Variants in PIAS1 observed in about 807,000 individuals in gnomAD.
PIAS1 encodes the protein E3 SUMO-protein ligase PIAS1.
In PIAS1, 6 loss-of-function variants were observed where a neutral mutation model predicts 71.3. The observed-to-expected ratio is 0.08, with a 90% CI of 0.05 to 0.17. The LOEUF (loss-of-function observed/expected upper bound fraction) is 0.17, where lower values mean the gene tolerates loss of function less well. Among genes scored for constraint, PIAS1 ranks in the 10% least tolerant of loss-of-function variants. The pLI is 1.00. For missense variants in PIAS1, 555 were observed against 793.6 expected (o/e 0.70, Z 3.61); for synonymous variants, 303 against 292.9 (o/e 1.03, Z -0.35).
At chr15:68,117,625 A>AT (rs1811573420) in intron 2 of PIAS1, among the ~76,000 whole-genome samples, 1 of 152,202 alleles carries the variant, frequency 6.6e-6, no homozygotes, top group Admixed American at 6.5e-5. Context: ...TTGTCTTACT[A>AT]TGCATGGCCT....
intron 11 of PIAS1, among the ~76,000 whole-genome samples, chr15:68,177,455 G>A (rs907352350): frequency 3.3e-5 from 5 of 152,118 alleles, no homozygotes; most frequent in African/African-American, 1.2e-4. Flanking sequence ...ATTTAAATCT[G>A]CTTCAGAATG....
intron 2 of PIAS1, among the ~76,000 whole-genome samples, chr15:68,088,137 ATC>A (rs1438775204): frequency 5.8e-5 from 7 of 120,762 alleles, no homozygotes; most frequent in Non-Finnish European, 1.2e-4. Flanking sequence ...TTAATAATAT[ATC>A]ATATGCATCT....
chr15:68,062,648 T>A (rs931967909), intron 1 of PIAS1, among the ~76,000 whole-genome samples: 1 of 152,250 alleles, frequency 6.6e-6, no homozygotes, highest in Admixed American at 6.5e-5. Flanking sequence ...GTGTCTGGTC[T>A]TGTATTCATT....
intron 2 of PIAS1, among the ~76,000 whole-genome samples, chr15:68,124,393 G>T (rs1239821645): frequency 2.1e-5 from 3 of 141,650 alleles, no homozygotes; most frequent in African/African-American, 5.1e-5. Context: ...GGTTTTTTTT[G>T]TTGTTGTTTT....
chr15:68,134,595 C>A (rs1465407703), intron 2 of PIAS1, among the ~76,000 whole-genome samples: 1 of 30,394 alleles, frequency 3.3e-5, no homozygotes, highest in African/African-American at 6.1e-5. Context: ...ACCCCCCAGA[C>A]GGGGCGGCTG....
chr15:68,096,030 A>G (rs2092372876), intron 2 of PIAS1, among the ~76,000 whole-genome samples: 1 of 152,232 alleles, frequency 6.6e-6, no homozygotes, highest in African/African-American at 2.4e-5. Context: ...TAATTAAATC[A>G]CTTTAAGATA....
intron 1 of PIAS1, among the ~76,000 whole-genome samples, chr15:68,067,606 A>G (rs1038657652): frequency 6.6e-6 from 1 of 152,096 alleles, no homozygotes; most frequent in African/African-American, 2.4e-5. Context: ...AACTATATTA[A>G]TATATAATAA....
intron 5 of PIAS1, 35 bp from the exon 6 acceptor site, chr15:68,146,531 A>G: frequency 6.5e-7 from 1 of 1,549,690 alleles, no homozygotes; most frequent in South Asian, 1.1e-5. Context: ...GATTGTGGAA[A>G]TAATAAGTAT....
intron 2 of PIAS1, among the ~76,000 whole-genome samples, chr15:68,123,409 T>C (rs1364041386): frequency 6.6e-6 from 1 of 152,188 alleles, no homozygotes; most frequent in African/African-American, 2.4e-5. Flanking sequence ...CACAAAGTTA[T>C]GAGTTTACTG....
At chr15:68,168,071 T>A (rs2092968031) in intron 8 of PIAS1, among the ~76,000 whole-genome samples, 1 of 151,632 alleles carries the variant, frequency 6.6e-6, no homozygotes. Flanking sequence ...TGCAGTGGTG[T>A]GATCTCAGCT....
At chr15:68,055,192 C>A in intron 1 of PIAS1, 1 of 985,264 alleles carries the variant, frequency 1.0e-6, no homozygotes, top group Non-Finnish European at 1.2e-6. Context: ...CTTTGGGGGT[C>A]TCTGCACACA....
intron 1 of PIAS1, among the ~76,000 whole-genome samples, chr15:68,064,739 T>C (rs1275280306): frequency 6.6e-6 from 1 of 152,196 alleles, no homozygotes; most frequent in African/African-American, 2.4e-5. Context: ...ATATTCTTCA[T>C]CCAAAACAAT....
intron 13 of PIAS1, chr15:68,184,757 C>G (rs2093076713): frequency 6.5e-6 from 1 of 153,056 alleles, no homozygotes; most frequent in Non-Finnish European, 1.5e-5. Flanking sequence ...AAAGGACTTT[C>G]ATCCATAAAG....
chr15:68,054,552 T>G lies in PIAS1; in HGVS notation c.24+202T>G. 2.1e-6 allele frequency: 1 copy of G among 474,644 alleles called. No individual in the cohort carries two copies. The highest frequency in any genetic ancestry group is 3.7e-6 in the Non-Finnish European group (1 of 269,654). 29.4% of individuals were successfully genotyped at this position (474,644 alleles called of 1,614,324 possible). ...CGGGCCCCGGGTGCCTCGGGGGCGC[T>G]GACGGGTCGTCCCCGGCGTGTTATT... is the stretch of plus-strand genomic sequence containing the variant. On this transcript the variant is annotated intron_variant, in intron 1 of 13. Transcript: ENST00000249636. The surrounding 1 kb of genome is among the most constrained non-coding windows in gnomAD (Gnocchi z 4.6).
rs183670194 is a variant in PIAS1 at position 68,066,004 on chromosome 15, C to T, written c.24+11654C>T. 3.6e-3 allele frequency among the ~76,000 whole-genome samples: 525 copies of T among 147,214 alleles called. 2 individuals carry two copies. The highest frequency in any genetic ancestry group is 0.013 in the African/African-American group (504 of 39,402). ...TCAGACTCATGTGATCCTCATGCCT[C>T]AGCCTCCTAAAAGTGTTGGAATTCA... is the stretch of plus-strand genomic sequence containing the variant. On this transcript the variant is annotated intron_variant, in intron 1 of 13. Coordinates refer to ENST00000249636, the MANE Select transcript of PIAS1 (RefSeq NM_016166.3).
intron 2 of PIAS1, among the ~76,000 whole-genome samples, chr15:68,099,639 T>G (rs2140996711): frequency 6.6e-6 from 1 of 152,014 alleles, no homozygotes; most frequent in East Asian, 1.9e-4. Flanking sequence ...GGAATGGAAT[T>G]GCTGGGTCAT....
chr15:68,098,085 T>C (rs909905185), intron 2 of PIAS1, among the ~76,000 whole-genome samples: 2 of 152,220 alleles, frequency 1.3e-5, no homozygotes, highest in African/African-American at 4.8e-5. Flanking sequence ...CATGGAATTA[T>C]TGTATAGTTG....
chr15:68,183,326 T>C (rs1051277047), intron 12 of PIAS1, among the ~76,000 whole-genome samples: 1 of 152,018 alleles, frequency 6.6e-6, no homozygotes, highest in African/African-American at 2.4e-5. Flanking sequence ...TTAAGAGGAG[T>C]CCAGAGCATT....
intron 1 of PIAS1, among the ~76,000 whole-genome samples, chr15:68,071,087 C>G (rs928498486): frequency 6.6e-6 from 1 of 151,870 alleles, no homozygotes; most frequent in African/African-American, 2.4e-5. Context: ...TTTGTAGAAC[C>G]CAGTGGCAGA....
Sources: gnomAD v4.1 joint callset for allele counts (sites outside exome capture counted in the v4.1 genomes callset) on GRCh38, gnomAD v4.1.1 for gene constraint, Gnocchi (gnomAD v3.1) non-coding constraint, MANE v1.5 for transcripts, NCBI Gene and HGNC (gene_info 2026-07-23, HGNC 2026-07-21) for gene names.